The following FGGY variants were observed in gnomAD, a reference collection of about 807,000 sequenced individuals.
The protein encoded by FGGY is FGGY carbohydrate kinase domain-containing protein.
A neutral mutation model predicts 71.3 loss-of-function variants in FGGY; 72 were observed. The ratio of observed to expected loss-of-function variants is 1.01; its 90% CI spans 0.84 to 1.23. The LOEUF is 1.23. Among genes scored for constraint, FGGY ranks in the 50% most tolerant of loss-of-function variants. The pLI is 0.00. For missense variants in FGGY, 668 were observed against 682.3 expected (o/e 0.98, Z 0.23); for synonymous variants, 251 against 250.3 (o/e 1.00, Z -0.02).
intron 14 of FGGY, chr1:59,698,897 T>C (rs954580760): frequency 1.2e-4 from 118 of 985,344 alleles, no homozygotes; most frequent in Non-Finnish European, 1.3e-4. Flanking sequence ...GTATGTTTTA[T>C]GTGGCACTGA....
chr1:59,652,182 A>G (rs1213085191), intron 11 of FGGY, among the ~76,000 whole-genome samples: 4 of 151,548 alleles, frequency 2.6e-5, no homozygotes, highest in African/African-American at 9.7e-5. Context: ...GGCTGCCCTT[A>G]ACATTTTTTC....
intron 9 of FGGY, among the ~76,000 whole-genome samples, chr1:59,612,260 C>T (rs1268744135): frequency 6.6e-6 from 1 of 152,198 alleles, no homozygotes; most frequent in African/African-American, 2.4e-5. Context: ...GGTTGGGTTA[C>T]CCACAAAAGG....
At chr1:59,758,276 G>A (rs533783262) in intron 15 of FGGY, among the ~76,000 whole-genome samples, 4 of 152,260 alleles carry the variant, frequency 2.6e-5, no homozygotes, top group African/African-American at 9.6e-5. Context: ...TTCTAAAGTA[G>A]GGATCTCTTA....
intron 13 of FGGY, among the ~76,000 whole-genome samples, chr1:59,670,737 T>G (rs527349800): frequency 6.6e-6 from 1 of 152,080 alleles, no homozygotes; most frequent in African/African-American, 2.4e-5. Flanking sequence ...AGCAGCTTAT[T>G]ATTTTGAAAG....
At chr1:59,338,405 T>C (rs1314328688) in intron 2 of FGGY, among the ~76,000 whole-genome samples, 1 of 152,194 alleles carries the variant, frequency 6.6e-6, no homozygotes, top group Non-Finnish European at 1.5e-5. Context: ...TTGTGTAGCA[T>C]TGGTACCATC....
rs2153857252 is a variant in FGGY at position 59,629,077 on chromosome 1, G to C, written c.1073+3028G>C. On this transcript the variant is annotated intron_variant, in intron 10 of 15. Transcript: ENST00000303721. ...ACCGAGGCCTGTCGTGGGATGGGGGGATAGGGGAGGGATAGCATTAGGAGA... is the reference window on the plus strand; with the variant it reads ...ACCGAGGCCTGTCGTGGGATGGGGGCATAGGGGAGGGATAGCATTAGGAGA... 2.0e-5 allele frequency among the ~76,000 whole-genome samples: 3 copies of C among 152,222 alleles called. No individual in the cohort carries two copies. In the South Asian group the frequency reaches 6.2e-4, roughly 32 times the overall value.
At chr1:59,313,913 A>C (rs1379426276) in intron 1 of FGGY, among the ~76,000 whole-genome samples, 1 of 151,964 alleles carries the variant, frequency 6.6e-6, no homozygotes, top group Non-Finnish European at 1.5e-5. Flanking sequence ...TCAAGAACTT[A>C]CTCATGTAAC....
At chr1:59,671,925 C>G (rs966168191) in intron 13 of FGGY, among the ~76,000 whole-genome samples, 9 of 152,276 alleles carry the variant, frequency 5.9e-5, no homozygotes, top group African/African-American at 1.9e-4. Context: ...ACCAGGTTCA[C>G]TCACATCTCT....
At chr1:59,682,243 C>CTGT (rs1411556073) in intron 14 of FGGY, among the ~76,000 whole-genome samples, 2 of 152,170 alleles carry the variant, frequency 1.3e-5, no homozygotes, top group African/African-American at 4.8e-5. Flanking sequence ...AAACCAAAGA[C>CTGT]TGTTCAGCTC....
intron 6 of FGGY, among the ~76,000 whole-genome samples, chr1:59,461,806 T>C (rs994864307): frequency 6.6e-6 from 1 of 152,120 alleles, no homozygotes; most frequent in Admixed American, 6.6e-5. Flanking sequence ...TTTTTTATTT[T>C]ATTGTATTTT....
intron 14 of FGGY, among the ~76,000 whole-genome samples, chr1:59,702,325 C>T (rs915668390): frequency 3.3e-5 from 5 of 152,104 alleles, no homozygotes; most frequent in Non-Finnish European, 7.4e-5. Context: ...CCAAATTCTG[C>T]CCATTATTTC....
rs2095691653 is a variant in FGGY, at chr1:59,556,687, C to A, written c.903+2460C>A. On this transcript the variant is annotated intron_variant, in intron 8 of 15. Transcript: ENST00000303721. ...CTTCTCTAAGCTTCAGATTCTTCAT[C>A]CATCAAATTGGGGATAATGATGCCA... 2.6e-5 allele frequency among the ~76,000 whole-genome samples: 4 copies of A among 152,292 alleles called. No individual in the cohort carries two copies. The South Asian group carries it at 8.3e-4, about 32-fold the overall frequency.
intron 4 of FGGY, among the ~76,000 whole-genome samples, chr1:59,348,486 T>C (rs181028955): frequency 1.1e-4 from 17 of 152,216 alleles, no homozygotes; most frequent in African/African-American, 3.9e-4. Flanking sequence ...CCATTAGAGA[T>C]GGATGTGTGA....
At chr1:59,414,272 C>A (rs1014192961) in intron 5 of FGGY, among the ~76,000 whole-genome samples, 2 of 152,210 alleles carry the variant, frequency 1.3e-5, no homozygotes, top group African/African-American at 4.8e-5. Context: ...TTGTGGTGAC[C>A]TGGCATACTG....
chr1:59,730,753 A>AG (rs1228756732), intron 14 of FGGY, among the ~76,000 whole-genome samples: 1 of 152,218 alleles, frequency 6.6e-6, no homozygotes, highest in Admixed American at 6.5e-5. Flanking sequence ...AGGGAGGTAG[A>AG]GGTAAAGCAT....
chr1:59,545,285 G>A (rs1478422778), intron 7 of FGGY, among the ~76,000 whole-genome samples: 1 of 152,188 alleles, frequency 6.6e-6, no homozygotes, highest in Non-Finnish European at 1.5e-5. Flanking sequence ...GTGCCTTCGA[G>A]TCACAGTATT....
intron 6 of FGGY, among the ~76,000 whole-genome samples, chr1:59,505,937 T>C (rs950550696): frequency 6.6e-6 from 1 of 152,150 alleles, no homozygotes; most frequent in Non-Finnish European, 1.5e-5. Context: ...AATTGTAGAT[T>C]CCAGCTTTTG....
intron 5 of FGGY, among the ~76,000 whole-genome samples, chr1:59,426,536 T>G (rs1424415375): frequency 6.6e-6 from 1 of 152,170 alleles, no homozygotes; most frequent in Non-Finnish European, 1.5e-5. Context: ...TTTCAAAAAG[T>G]GATAGTGTAT....
At chr1:59,364,502 A>G (rs2056219901) in intron 4 of FGGY, among the ~76,000 whole-genome samples, 1 of 152,248 alleles carries the variant, frequency 6.6e-6, no homozygotes, top group Admixed American at 6.5e-5. Flanking sequence ...TGGCTTCCAC[A>G]TGTCTGCTCA....
Sources: gnomAD v4.1 joint callset for allele counts (sites outside exome capture counted in the v4.1 genomes callset) on GRCh38, gnomAD v4.1.1 for gene constraint, MANE v1.5 for transcripts, NCBI Gene and HGNC (gene_info 2026-07-23, HGNC 2026-07-21) for gene names.